The following FANK1 variants were observed in gnomAD, a reference collection of about 807,000 sequenced individuals.
FANK1 encodes fibronectin type 3 and ankyrin repeat domains protein 1.
A neutral mutation model predicts 45.3 loss-of-function variants in FANK1; 44 were observed. That is an observed-to-expected ratio of 0.97 (90% CI 0.76 to 1.25). The LOEUF (loss-of-function observed/expected upper bound fraction) is 1.25. FANK1 is among the 50% of genes most tolerant of loss of function. The pLI is 0.00. For synonymous variants in FANK1, 149 were observed against 152.5 expected (o/e 0.98, Z 0.17); for missense variants, 391 against 424.4 (o/e 0.92, Z 0.69).
At chr10:125,913,907 G>A (rs1160175110) in intron 1 of FANK1, among the ~76,000 whole-genome samples, 5 of 152,020 alleles carry the variant, frequency 3.3e-5, no homozygotes, top group Admixed American at 6.6e-5. Flanking sequence ...AACAAGATCC[G>A]GAAGAGAACA....
rs942495074 is a variant in FANK1, at chr10:125,955,758, C to T, written c.14-24403C>T. Among the ~76,000 whole-genome samples, 7 of 152,260 alleles carry T rather than the reference C, an allele frequency of 4.6e-5. No homozygotes were observed. In the East Asian group the frequency reaches 1.4e-3, roughly 29 times the overall value. Reference sequence around the variant, plus strand: ...AAGTGCTGGGATTACAGGTGTGAGCCACTGTGCCTGGCCCCATCTTATTTT... The same window carrying T: ...AAGTGCTGGGATTACAGGTGTGAGCTACTGTGCCTGGCCCCATCTTATTTT... On this transcript the variant is annotated intron_variant, in intron 1 of 10. Transcript: ENST00000368693.
At chr10:125,902,674 A>C (rs1261144520) in intron 1 of FANK1, among the ~76,000 whole-genome samples, 1 of 152,208 alleles carries the variant, frequency 6.6e-6, no homozygotes, top group Non-Finnish European at 1.5e-5. Flanking sequence ...CTATCCGGTA[A>C]GAATAAGGAA....
chr10:125,985,926 A>G (rs919715901), intron 2 of FANK1, among the ~76,000 whole-genome samples: 3 of 152,064 alleles, frequency 2.0e-5, no homozygotes, highest in Non-Finnish European at 4.4e-5. Context: ...TCTTTCTCTA[A>G]CAGGGAAGTT....
At chr10:125,989,153 C>A in intron 3 of FANK1, 1 of 773,864 alleles carries the variant, frequency 1.3e-6, no homozygotes, top group East Asian at 2.8e-5. Flanking sequence ...AGTGCTGCTG[C>A]ATCCACGGAG....
chr10:125,965,723 G>C (rs1056447370), intron 1 of FANK1, among the ~76,000 whole-genome samples: 3 of 152,192 alleles, frequency 2.0e-5, no homozygotes, highest in Non-Finnish European at 4.4e-5. Flanking sequence ...TGTCCTGTAT[G>C]ATTTTTTGCT....
chr10:125,904,333 G>T (rs901539331), intron 1 of FANK1, among the ~76,000 whole-genome samples: 2 of 152,168 alleles, frequency 1.3e-5, no homozygotes, highest in African/African-American at 2.4e-5. Context: ...GAAATAAATA[G>T]AATCCATAAT....
At chr10:125,996,421 GC>G in intron 4 of FANK1, 128 bp from the exon 5 acceptor site, 1 of 719,442 alleles carries the variant, frequency 1.4e-6, no homozygotes, top group Non-Finnish European at 2.4e-6. Flanking sequence ...AGATTTAATG[GC>G]CACAAAGAAA....
intron 1 of FANK1, among the ~76,000 whole-genome samples, chr10:125,962,077 C>T (rs1203797006): frequency 1.3e-5 from 2 of 152,170 alleles, no homozygotes; most frequent in Admixed American, 1.3e-4. Context: ...AAAATATTTG[C>T]AAGCTATTCA....
intron 1 of FANK1, chr10:125,973,837 C>G (rs1234221985): frequency 3.3e-5 from 5 of 149,474 alleles, no homozygotes; most frequent in Admixed American, 1.3e-4. Context: ...GTATGTTCTT[C>G]CCTTCAGCTT....
chr10:125,998,312 A>G (rs952069307), intron 6 of FANK1, among the ~76,000 whole-genome samples: 4 of 152,244 alleles, frequency 2.6e-5, no homozygotes, highest in African/African-American at 9.6e-5. Context: ...TTCTCAAATC[A>G]GAAGGCCTAT....
At chr10:126,005,748 C>T (rs1433093369) in intron 7 of FANK1, among the ~76,000 whole-genome samples, 1 of 152,198 alleles carries the variant, frequency 6.6e-6, no homozygotes, top group African/African-American at 2.4e-5. Flanking sequence ...AGCCATTGTG[C>T]TTCTTGTTAC....
chr10:125,905,151 C>CA lies in FANK1; in HGVS notation c.13+8504dup, dbSNP rs921443438. The stretch of plus-strand genomic sequence containing the variant: ...GTCCCAAAAAAAAAAAAAAAAAAAA[C>CA]AAAAAAAACGTTTCTGTAGCCTGTA... On this transcript the variant is annotated intron_variant, in intron 1 of 10. Coordinates refer to ENST00000368693, the MANE Select transcript of FANK1 (RefSeq NM_145235.5). Among the ~76,000 whole-genome samples, 28 of 92,536 alleles carry CA rather than the reference C, an allele frequency of 3.0e-4. No homozygotes were observed. The South Asian group carries it at 7.4e-3, about 24-fold the overall frequency. The allele number at this position is 92,536 out of a possible 152,430, so 60.7% of individuals were successfully genotyped here.
chr10:125,925,066 A>T (rs1947250029), intron 1 of FANK1, among the ~76,000 whole-genome samples: 2 of 151,934 alleles, frequency 1.3e-5, no homozygotes, highest in African/African-American at 4.8e-5. Context: ...TCTTGAAGGG[A>T]AGTCTGTTTC....
intron 1 of FANK1, among the ~76,000 whole-genome samples, chr10:125,963,637 G>A (rs532341472): frequency 9.2e-5 from 14 of 152,166 alleles, no homozygotes; most frequent in African/African-American, 2.4e-4. Context: ...GCAAACTATC[G>A]CAAGGACAAA....
At chr10:125,898,985 C>A (rs942124259) in intron 1 of FANK1, among the ~76,000 whole-genome samples, 1 of 149,964 alleles carries the variant, frequency 6.7e-6, no homozygotes, top group African/African-American at 2.5e-5. Context: ...CCCTCGAACT[C>A]TTGGACTCAA....
At chr10:125,980,365 A>G (rs768356280) in intron 2 of FANK1, 27 bp downstream of exon 2, 15 of 1,589,206 alleles carry the variant, frequency 9.4e-6, no homozygotes, top group Non-Finnish European at 1.3e-5. Flanking sequence ...ATTGCTTGCC[A>G]CTTTGCCTTA....
At chr10:126,008,911 C>T in intron 8 of FANK1, 143 bp from the exon 9 acceptor site, 1 of 725,948 alleles carries the variant, frequency 1.4e-6, no homozygotes, top group Non-Finnish European at 2.3e-6. Context: ...AAGCGCTGTG[C>T]CTGCAGGCCA....
chr10:126,005,388 G>T (rs997660253), intron 7 of FANK1, among the ~76,000 whole-genome samples: 1 of 150,836 alleles, frequency 6.6e-6, no homozygotes, highest in Non-Finnish European at 1.5e-5. Context: ...GTTCATTGAG[G>T]CCTCCGCCTC....
At chr10:125,929,015 G>T (rs934517527) in intron 1 of FANK1, among the ~76,000 whole-genome samples, 2 of 152,182 alleles carry the variant, frequency 1.3e-5, no homozygotes, top group Non-Finnish European at 2.9e-5. Context: ...TTCCCTGAAG[G>T]TTCGATAATT....
Sources: gnomAD v4.1 joint callset for allele counts (sites outside exome capture counted in the v4.1 genomes callset) on GRCh38, gnomAD v4.1.1 for gene constraint, MANE v1.5 for transcripts, NCBI Gene and HGNC (gene_info 2026-07-23, HGNC 2026-07-21) for gene names.